DOCK1: variants seen among roughly 807,000 people sequenced by gnomAD.
The protein encoded by DOCK1 is dedicator of cytokinesis protein 1.
DOCK1 carries 138 observed loss-of-function variants against 262.7 expected under a neutral mutation model. The observed-to-expected ratio is 0.53, with a 90% CI of 0.46 to 0.61. The LOEUF is 0.61. Ranked by LOEUF, DOCK1 falls within the 20% of genes least tolerant of loss-of-function variation. The probability of loss-of-function intolerance (pLI) is 0.00; values close to 1 mark genes in which losing one functional copy is unlikely to be tolerated. For missense variants in DOCK1, 1,908 were observed against 2,370.7 expected (o/e 0.80, Z 4.05); for synonymous variants, 866 against 867.4 (o/e 1.00, Z 0.03).
At chr10:127,276,137 C>A (rs1451415500) in intron 29 of DOCK1, among the ~76,000 whole-genome samples, 1 of 152,216 alleles carries the variant, frequency 6.6e-6, no homozygotes, top group Non-Finnish European at 1.5e-5. Flanking sequence ...CCATCAAAAT[C>A]CTCCAGTCTC....
At chr10:127,231,625 T>C (rs778208799) in intron 27 of DOCK1, among the ~76,000 whole-genome samples, 7 of 152,138 alleles carry the variant, frequency 4.6e-5, no homozygotes, top group Non-Finnish European at 5.9e-5. Flanking sequence ...GCTAGAGGCT[T>C]GGGGATCTTT....
At chr10:126,941,738 G>T (rs1325291938) in intron 1 of DOCK1, among the ~76,000 whole-genome samples, 15 of 151,692 alleles carry the variant, frequency 9.9e-5, no homozygotes, top group Non-Finnish European at 2.2e-4. Context: ...CTGGGCGACA[G>T]TGCGAGACTC....
intron 21 of DOCK1, among the ~76,000 whole-genome samples, chr10:127,049,620 A>G (rs1369437326): frequency 6.6e-6 from 1 of 152,162 alleles, no homozygotes; most frequent in Non-Finnish European, 1.5e-5. Context: ...TAATTTGATA[A>G]TATATACCAT....
intron 31 of DOCK1, among the ~76,000 whole-genome samples, chr10:127,350,386 C>A (rs975373070): frequency 6.6e-6 from 1 of 152,188 alleles, no homozygotes; most frequent in African/African-American, 2.4e-5. Context: ...CCTACTCCCT[C>A]CCTGCCATGG....
chr10:127,355,586 A>G (rs1323895169), intron 32 of DOCK1, among the ~76,000 whole-genome samples: 1 of 152,182 alleles, frequency 6.6e-6, no homozygotes, highest in African/African-American at 2.4e-5. Context: ...TCAAATGGAC[A>G]CGAGAAGCCT....
chr10:127,286,058 CGAT>C (rs998499759), intron 29 of DOCK1, among the ~76,000 whole-genome samples: 54 of 152,200 alleles, frequency 3.5e-4, no homozygotes, highest in African/African-American at 1.2e-3. Context: ...GGGCTCAGCC[CGAT>C]GCGTCTACTG....
intron 31 of DOCK1, among the ~76,000 whole-genome samples, chr10:127,354,254 C>T (rs2064026953): frequency 6.6e-6 from 1 of 152,192 alleles, no homozygotes; most frequent in Non-Finnish European, 1.5e-5. Flanking sequence ...AAGAGGTCTG[C>T]CCTGACTCTG....
chr10:126,951,308 GTAT>G (rs2036209760), intron 1 of DOCK1, among the ~76,000 whole-genome samples: 1 of 151,582 alleles, frequency 6.6e-6, no homozygotes, highest in Non-Finnish European at 1.5e-5. Flanking sequence ...AGTAGTGGTA[GTAT>G]TGTTGGTAGT....
intron 38 of DOCK1, among the ~76,000 whole-genome samples, chr10:127,390,634 C>T (rs1490667324): frequency 1.3e-5 from 2 of 152,054 alleles, no homozygotes; most frequent in Admixed American, 6.5e-5. Flanking sequence ...CAGAGGAAAC[C>T]AGCCCTGCAG....
chr10:127,380,207 A>T (rs1458950741), intron 36 of DOCK1, 85 bp downstream of exon 36: 6 of 1,101,738 alleles, frequency 5.4e-6, no homozygotes, highest in Non-Finnish European at 6.3e-6. Context: ...AATGTGTTAT[A>T]GCCGCAAAGG....
At chr10:127,392,599 G>T (rs1391108536) in intron 38 of DOCK1, among the ~76,000 whole-genome samples, 1 of 152,110 alleles carries the variant, frequency 6.6e-6, no homozygotes, top group East Asian at 1.9e-4. Context: ...CAGCACTTGA[G>T]CAAACAGCAC....
At chr10:127,021,045 A>T (rs1277942074) in intron 13 of DOCK1, among the ~76,000 whole-genome samples, 1 of 152,104 alleles carries the variant, frequency 6.6e-6, no homozygotes, top group Non-Finnish European at 1.5e-5. Context: ...CTTCTTCCCC[A>T]GAATGTTCTG....
intron 23 of DOCK1, among the ~76,000 whole-genome samples, chr10:127,066,329 A>C (rs2045870721): frequency 6.6e-6 from 1 of 152,070 alleles, no homozygotes; most frequent in South Asian, 2.1e-4. Flanking sequence ...CTAGGTCCCC[A>C]GTTCTTCGTC....
At chr10:127,387,187 C>T (rs988036777) in intron 38 of DOCK1, among the ~76,000 whole-genome samples, 5 of 152,320 alleles carry the variant, frequency 3.3e-5, no homozygotes, top group East Asian at 1.9e-4. Flanking sequence ...TTGGCTCCCG[C>T]GACCTCTCCA....
At chr10:126,939,142 G>T (rs1204618682) in intron 1 of DOCK1, among the ~76,000 whole-genome samples, 1 of 152,102 alleles carries the variant, frequency 6.6e-6, no homozygotes, top group Non-Finnish European at 1.5e-5. Flanking sequence ...TGAACACTGT[G>T]CCCTCACATG....
At chr10:127,182,613 T>C (rs1401447393) in intron 27 of DOCK1, among the ~76,000 whole-genome samples, 4 of 152,260 alleles carry the variant, frequency 2.6e-5, no homozygotes, top group Non-Finnish European at 4.4e-5. Flanking sequence ...CTGGAAAATA[T>C]GCCTCCTTGA....
At position 127,449,422 on chromosome 10, in the gene DOCK1, G is replaced by A. The variant is rs146257770; in HGVS notation, c.5565+1877G>A. Among the ~76,000 whole-genome samples the A allele has an allele frequency of 6.4e-3, 969 of 152,202 alleles. 5 individuals are homozygous for A. The highest frequency in any genetic ancestry group is 0.024 in the Middle Eastern group (7 of 294). On this transcript the variant is annotated intron_variant, in intron 51 of 51. Coordinates refer to ENST00000623213, the MANE Select transcript of DOCK1 (RefSeq NM_001290223.2). ...CTCTTCTTGTTACAAATCAACTCCGGGGTAACATTTTATTGTCTCAATTTC... is the reference window on the plus strand; with the variant it reads ...CTCTTCTTGTTACAAATCAACTCCGAGGTAACATTTTATTGTCTCAATTTC...
At chr10:126,971,099 G>A (rs2038074139) in intron 2 of DOCK1, among the ~76,000 whole-genome samples, 1 of 151,028 alleles carries the variant, frequency 6.6e-6, no homozygotes, top group African/African-American at 2.4e-5. Flanking sequence ...CGCACAGGCT[G>A]GAGTGAGGTG....
chr10:126,989,604 G>A (rs184998481), intron 5 of DOCK1, among the ~76,000 whole-genome samples: 61 of 152,280 alleles, frequency 4.0e-4, no homozygotes, highest in African/African-American at 1.5e-3. Context: ...TAGGATTATA[G>A]GCCGGAGCTA....
Sources: gnomAD v4.1 joint callset for allele counts (sites outside exome capture counted in the v4.1 genomes callset) on GRCh38, gnomAD v4.1.1 for gene constraint, MANE v1.5 for transcripts, NCBI Gene and HGNC (gene_info 2026-07-23, HGNC 2026-07-21) for gene names.